The following STIM1 variants were observed in gnomAD, a reference collection of about 807,000 sequenced individuals.
STIM1 encodes stromal interaction molecule 1.
A neutral mutation model predicts 74.7 loss-of-function variants in STIM1; 25 were observed. The observed-to-expected ratio is 0.33, with a 90% CI of 0.24 to 0.47. STIM1 has a LOEUF of 0.47. Ranked by LOEUF, STIM1 falls within the 20% of genes least tolerant of loss-of-function variation. STIM1 has a pLI of 1.00. For missense variants in STIM1, 728 were observed against 920.8 expected (o/e 0.79, Z 2.71); for synonymous variants, 328 against 348.8 (o/e 0.94, Z 0.66).
intron 6 of STIM1, among the ~76,000 whole-genome samples, chr11:4,070,413 A>T (rs980248518): frequency 6.6e-6 from 1 of 152,210 alleles, no homozygotes; most frequent in African/African-American, 2.4e-5. Flanking sequence ...ACTTGTTTCT[A>T]TCTTTTTTGC....
chr11:4,084,166 G>A (rs557879136), intron 10 of STIM1, among the ~76,000 whole-genome samples: 19 of 152,310 alleles, frequency 1.2e-4, no homozygotes, highest in Non-Finnish European at 2.8e-4. Flanking sequence ...GAATTCTTCA[G>A]TGAATGAAGG....
At chr11:4,003,551 A>G (rs1389192322) in intron 2 of STIM1, among the ~76,000 whole-genome samples, 3 of 151,866 alleles carry the variant, frequency 2.0e-5, no homozygotes, top group Non-Finnish European at 4.4e-5. Flanking sequence ...CTTCATGCTA[A>G]AAACTCTCAA....
intron 1 of STIM1, among the ~76,000 whole-genome samples, chr11:3,898,660 A>G (rs2092260457): frequency 6.6e-6 from 1 of 151,880 alleles, no homozygotes; most frequent in South Asian, 2.1e-4. Flanking sequence ...TCTAACGTTT[A>G]AGTCTTTAAT....
intron 3 of STIM1, among the ~76,000 whole-genome samples, chr11:4,040,531 A>G (rs2094140027): frequency 6.6e-6 from 1 of 152,166 alleles, no homozygotes; most frequent in African/African-American, 2.4e-5. Context: ...CTATCTCTTC[A>G]CAGCCCTTAG....
intron 3 of STIM1, among the ~76,000 whole-genome samples, chr11:4,027,091 C>T (rs1203096372): frequency 6.6e-6 from 1 of 152,130 alleles, no homozygotes; most frequent in African/African-American, 2.4e-5. Flanking sequence ...CCAAGGGACC[C>T]ACCAGGAATA....
At chr11:3,889,044 C>G (rs1401781663) in intron 1 of STIM1, among the ~76,000 whole-genome samples, 2 of 150,792 alleles carry the variant, frequency 1.3e-5, no homozygotes, top group Non-Finnish European at 2.9e-5. Flanking sequence ...GTGGCCTGTA[C>G]AAAGAGGTGA....
chr11:3,903,163 G>T (rs1295229240), intron 1 of STIM1, among the ~76,000 whole-genome samples: 1 of 152,144 alleles, frequency 6.6e-6, no homozygotes, highest in Non-Finnish European at 1.5e-5. Flanking sequence ...GAAAACTGAG[G>T]CCTAGAGAAC....
At chr11:4,068,105 A>G (rs189888704) in intron 5 of STIM1, among the ~76,000 whole-genome samples, 48 of 152,356 alleles carry the variant, frequency 3.2e-4, no homozygotes, top group African/African-American at 1.1e-3. Context: ...ATCCAGTGGT[A>G]CTGATAGGTG....
chr11:3,994,903 G>C (rs1042476731), intron 2 of STIM1, among the ~76,000 whole-genome samples: 1 of 151,968 alleles, frequency 6.6e-6, no homozygotes, highest in Non-Finnish European at 1.5e-5. Context: ...AATTCTTCCT[G>C]CTGCCAGTTC....
chr11:3,881,581 C>A (rs939935477), intron 1 of STIM1, among the ~76,000 whole-genome samples: 1 of 152,166 alleles, frequency 6.6e-6, no homozygotes, highest in Non-Finnish European at 1.5e-5. Flanking sequence ...CCCTGTTAGC[C>A]AGGATGGTCT....
Position 3,959,659 on chromosome 11 carries a change from C to T in STIM1, c.140-7893C>T, listed in dbSNP as rs962845110. Among the ~76,000 whole-genome samples, 3 of 152,254 alleles carry T rather than the reference C, an allele frequency of 2.0e-5. No individual in the cohort carries two copies. The South Asian group carries it at 6.2e-4, about 32-fold the overall frequency. On this transcript the variant is annotated intron_variant, in intron 1 of 12. Transcript: ENST00000526596. Reference sequence around the variant, plus strand: ...AACAGTGAACAGTGAATGATTAGCTCTGCCTGGAGAAAGGTGAGGAGATTT... The same window carrying T: ...AACAGTGAACAGTGAATGATTAGCTTTGCCTGGAGAAAGGTGAGGAGATTT...
At chr11:4,080,632 A>G (rs2094460665) in intron 7 of STIM1, among the ~76,000 whole-genome samples, 1 of 151,962 alleles carries the variant, frequency 6.6e-6, no homozygotes, top group African/African-American at 2.4e-5. Context: ...CCACCAGGCT[A>G]GTTTTACAAT....
At chr11:3,951,962 C>T (rs2093154443) in intron 1 of STIM1, among the ~76,000 whole-genome samples, 2 of 152,026 alleles carry the variant, frequency 1.3e-5, no homozygotes, top group Admixed American at 1.3e-4. Context: ...TATATAAAGA[C>T]CTGTGGTATG....
At chr11:3,939,069 T>G (rs561837612) in intron 1 of STIM1, among the ~76,000 whole-genome samples, 44 of 152,236 alleles carry the variant, frequency 2.9e-4, no homozygotes, top group Non-Finnish European at 6.2e-4. Context: ...CTGTATGACA[T>G]ATAACTGAGC....
At chr11:3,942,364 C>T (rs1409427887) in intron 1 of STIM1, among the ~76,000 whole-genome samples, 1 of 152,222 alleles carries the variant, frequency 6.6e-6, no homozygotes, top group Non-Finnish European at 1.5e-5. Flanking sequence ...CTGGATGACA[C>T]ATTTTCAGCT....
chr11:4,024,106 G>T, intron 3 of STIM1, 119 bp downstream of exon 3: 1 of 767,254 alleles, frequency 1.3e-6, no homozygotes, highest in South Asian at 1.5e-5. Flanking sequence ...AATTATTGAA[G>T]TTATTCTACA....
chr11:4,047,677 C>T (rs949911801), intron 3 of STIM1, among the ~76,000 whole-genome samples: 2 of 151,866 alleles, frequency 1.3e-5, no homozygotes, highest in African/African-American at 2.4e-5. Flanking sequence ...GTTAGCCTAG[C>T]ATGGTAGTAG....
intron 2 of STIM1, among the ~76,000 whole-genome samples, chr11:4,015,493 C>T (rs974579895): frequency 6.6e-6 from 1 of 151,852 alleles, no homozygotes; most frequent in Non-Finnish European, 1.5e-5. Context: ...CCTTCATTTC[C>T]ACCTTGGTGA....
chr11:4,003,391 T>C (rs1381474924), intron 2 of STIM1, among the ~76,000 whole-genome samples: 2 of 150,966 alleles, frequency 1.3e-5, no homozygotes, highest in African/African-American at 4.9e-5. Context: ...TTATCCACCA[T>C]GATCAAGTGG....
Sources: allele counts gnomAD v4.1 joint callset (sites outside exome capture counted in the v4.1 genomes callset), GRCh38; gene constraint gnomAD v4.1.1; transcripts MANE v1.5; gene names NCBI Gene and HGNC (gene_info 2026-07-23, HGNC 2026-07-21).